The following PRDM16 variants were observed in gnomAD, a reference collection of about 807,000 sequenced individuals.
PRDM16 encodes the protein histone-lysine N-methyltransferase PRDM16.
PRDM16 carries 23 observed loss-of-function variants against 110.6 expected under a neutral mutation model. The observed-to-expected ratio is 0.21, with a 90% confidence interval of 0.15 to 0.29. PRDM16 has a LOEUF of 0.29. PRDM16 is among the 10% of genes least tolerant of loss of function. PRDM16 has a pLI of 1.00. For missense variants in PRDM16, 1,615 were observed against 1,794.3 expected, an observed-to-expected ratio of 0.90 and a Z score of 1.81; for synonymous variants, 799 against 781.8, an observed-to-expected ratio of 1.02 and a Z score of -0.37.
chr1:3,243,841 G>T lies in PRDM16; in HGVS notation c.388-246G>T, dbSNP rs1639728272. Among the ~76,000 whole-genome samples, 1 of 152,184 alleles carries T rather than the reference G, an allele frequency of 6.6e-6. No individual in the cohort carries two copies. On this transcript the variant is annotated intron_variant, in intron 2 of 16. Coordinates refer to ENST00000270722, the MANE Select transcript of PRDM16 (RefSeq NM_022114.4). This position sits in a 1 kb window ranked among gnomAD's most constrained non-coding sequence, Gnocchi z 5.5. ...TACACAGTGTGTCTCCATCCCTGGAGTGCAGTGTTTCCAGGGAGGTGAAGT... is the reference window on the plus strand; with the variant it reads ...TACACAGTGTGTCTCCATCCCTGGATTGCAGTGTTTCCAGGGAGGTGAAGT...
intron 3 of PRDM16, among the ~76,000 whole-genome samples, chr1:3,292,506 G>A (rs1176394462): frequency 3.3e-5 from 5 of 152,250 alleles, no homozygotes; most frequent in East Asian, 1.9e-4. Context: ...AGCGTCCCCC[G>A]AGTGCTGAAA....
At chr1:3,418,250 G>C (rs919026094) in intron 11 of PRDM16, among the ~76,000 whole-genome samples, 1 of 152,228 alleles carries the variant, frequency 6.6e-6, no homozygotes, top group African/African-American at 2.4e-5. Context: ...AACTGGGAAG[G>C]CTGGGCCTGA....
At chr1:3,223,173 G>T (rs1020307307) in intron 2 of PRDM16, among the ~76,000 whole-genome samples, 2 of 144,326 alleles carry the variant, frequency 1.4e-5, no homozygotes, top group South Asian at 4.6e-4. Flanking sequence ...GCAGTGGTGC[G>T]ATCTTGGCTC....
At chr1:3,181,333 A>C (rs372558268) in intron 1 of PRDM16, among the ~76,000 whole-genome samples, 763 of 24,858 alleles carry the variant, frequency 0.031, no homozygotes, top group Non-Finnish European at 0.04. Flanking sequence ...ATCTTACACA[A>C]GCAGTCTTAC....
intron 1 of PRDM16, among the ~76,000 whole-genome samples, chr1:3,115,838 C>T (rs944264979): frequency 2.0e-5 from 3 of 152,214 alleles, no homozygotes; most frequent in African/African-American, 4.8e-5. Context: ...TCTGTTCTAC[C>T]TGGCTCTGCC....
chr1:3,316,909 G>A (rs1641620937), intron 3 of PRDM16, among the ~76,000 whole-genome samples: 1 of 152,204 alleles, frequency 6.6e-6, no homozygotes, highest in African/African-American at 2.4e-5. Flanking sequence ...GCCGATCAGA[G>A]TGTAGCTAAG....
Position 3,081,997 on chromosome 1 carries a change from C to T in PRDM16, c.37+12701C>T, listed in dbSNP as rs191207264. The stretch of plus-strand genomic sequence containing the variant: ...TGAGCACCAACCCAAGCCTTGCACC[C>T]CTGACATGTGGAGGCTTCTGAAATT... On this transcript the variant is annotated intron_variant, in intron 1 of 16. Coordinates refer to ENST00000270722, the MANE Select transcript of PRDM16 (RefSeq NM_022114.4). The surrounding 1 kb of genome is among the most constrained non-coding windows in gnomAD (Gnocchi z 4.6). Among the ~76,000 whole-genome samples, 10 of 152,346 alleles carry T rather than the reference C, an allele frequency of 6.6e-5. No homozygotes were observed. The highest frequency in any genetic ancestry group is 1.3e-4 in the Admixed American group (2 of 15,310).
chr1:3,380,698 G>T (rs1187694653), intron 3 of PRDM16, among the ~76,000 whole-genome samples: 5 of 152,216 alleles, frequency 3.3e-5, no homozygotes, highest in African/African-American at 9.7e-5. Context: ...GCAGGGGAGG[G>T]TTAGTACTCA....
intron 2 of PRDM16, among the ~76,000 whole-genome samples, chr1:3,223,603 C>G (rs1175076396): frequency 1.3e-5 from 2 of 152,204 alleles, no homozygotes; most frequent in African/African-American, 4.8e-5. Flanking sequence ...AAACTAAACT[C>G]ATCCAAAGCC....
rs1270383874 is a variant in PRDM16, at chr1:3,433,933, C to T, written c.*122C>T. The T allele has an allele frequency of 4.1e-6, 4 of 971,404 alleles. No homozygotes were observed. Among genetic ancestry groups the T allele is most frequent in the South Asian group, 1.6e-5 (1 of 60,786 alleles). 60.2% of individuals were successfully genotyped at this position (971,404 alleles called of 1,614,324 possible). ...GCCACTCCTCAGCATCCTCCCCACC[C>T]ACCATGGTTCATTCCGACTTTTCCA... On this transcript the variant is annotated 3_prime_UTR_variant, in exon 17 of 17. Coordinates refer to ENST00000270722, the MANE Select transcript of PRDM16 (RefSeq NM_022114.4).
chr1:3,355,240 G>A (rs1557629264), intron 3 of PRDM16, among the ~76,000 whole-genome samples: 1 of 152,178 alleles, frequency 6.6e-6, no homozygotes, highest in African/African-American at 2.4e-5. Flanking sequence ...TGGCAGGAGG[G>A]GGAGGGAGAG....
intron 3 of PRDM16, among the ~76,000 whole-genome samples, chr1:3,345,624 C>T (rs1557623355): frequency 6.6e-6 from 1 of 152,260 alleles, no homozygotes; most frequent in Non-Finnish European, 1.5e-5. Context: ...ATCCCATGTT[C>T]TTCCCACTGT....
chr1:3,226,327 G>A (rs530961859), intron 2 of PRDM16, among the ~76,000 whole-genome samples: 15 of 152,198 alleles, frequency 9.9e-5, no homozygotes, highest in Non-Finnish European at 2.2e-4. Flanking sequence ...ATTCAGACAG[G>A]ACCTGAGTGC....
intron 14 of PRDM16, among the ~76,000 whole-genome samples, chr1:3,426,690 T>G (rs1199077111): frequency 6.6e-6 from 1 of 152,140 alleles, no homozygotes; most frequent in Non-Finnish European, 1.5e-5. Flanking sequence ...CATGTACACA[T>G]TCACATGCAC....
chr1:3,366,991 G>A (rs1642827518), intron 3 of PRDM16, among the ~76,000 whole-genome samples: 1 of 152,192 alleles, frequency 6.6e-6, no homozygotes. Context: ...GCAAGGGCCG[G>A]GCACAGTGGC....
chr1:3,433,553 G>A lies in PRDM16; in HGVS notation c.3697-124G>A, dbSNP rs58137049. The A allele has an allele frequency of 9.8e-4, 217 of 221,970 alleles. 7 individuals carry two copies. The highest frequency in any genetic ancestry group is 8.3e-3 in the African/African-American group (180 of 21,564). The allele number at this position is 221,970 out of a possible 1,614,324, so 13.8% of individuals were successfully genotyped here. On this transcript the variant is annotated intron_variant, in intron 16 of 16. Coordinates refer to ENST00000270722, the MANE Select transcript of PRDM16 (RefSeq NM_022114.4). ...GTCTGGGATGGCCCGCCCTGCCCAC[G>A]CGCTCACCTGCCTGTCTGGGATGGC...
chr1:3,109,083 AAATAATAAT>A (rs61356047), intron 1 of PRDM16, among the ~76,000 whole-genome samples: 79 of 145,352 alleles, frequency 5.4e-4, no homozygotes, highest in Non-Finnish European at 5.9e-4. Context: ...CTCCATCTCA[AAATAATAAT>A]AATAATAATA....
chr1:3,246,331 T>G lies in PRDM16; in HGVS notation c.438+2194T>G, dbSNP rs1407369113. 3.3e-5 allele frequency among the ~76,000 whole-genome samples: 5 copies of G among 152,254 alleles called. 1 individual carries two copies. In the South Asian group the frequency reaches 1.0e-3, roughly 32 times the overall value. The stretch of plus-strand genomic sequence containing the variant: ...GCAGGCATCCCTCTGACGCAGGCCC[T>G]TGGAAAGCAGGTTGAGAACCTTGGG... On this transcript the variant is annotated intron_variant, in intron 3 of 16. Transcript: ENST00000270722. The surrounding 1 kb of genome is among the most constrained non-coding windows in gnomAD (Gnocchi z 5.2).
rs1643177992 is a variant in PRDM16 at position 3,385,340 on chromosome 1, T to C, written c.573+54T>C. 7 of 1,592,998 alleles carry C rather than the reference T, an allele frequency of 4.4e-6. No individual in the cohort carries two copies. In the East Asian group the frequency reaches 1.6e-4, roughly 36 times the overall value. ...TGCCTCTTGGAATTGTCCCTGAGGA[T>C]GTGGCACCAAGATTGGTGGAGGTGC... On this transcript the variant is annotated intron_variant, in intron 4 of 16. Transcript: ENST00000270722.
Sources: allele counts gnomAD v4.1 joint callset (sites outside exome capture counted in the v4.1 genomes callset), GRCh38; gene constraint gnomAD v4.1.1; non-coding constraint Gnocchi (gnomAD v3.1); transcripts MANE v1.5; gene names NCBI Gene and HGNC (gene_info 2026-07-23, HGNC 2026-07-21).